MGRN1: variants seen among roughly 807,000 people sequenced by gnomAD.
MGRN1 encodes the protein E3 ubiquitin-protein ligase MGRN1.
In MGRN1, 29 loss-of-function variants were observed where a neutral mutation model predicts 69.2. The observed-to-expected ratio is 0.42, with a 90% CI of 0.31 to 0.57. The LOEUF is 0.57. Among genes scored for constraint, MGRN1 ranks in the 20% least tolerant of loss-of-function variants. MGRN1 has a pLI of 0.15. For missense variants in MGRN1, 998 were observed against 796.2 expected, an observed-to-expected ratio of 1.25 and a Z score of -3.05; for synonymous variants, 470 against 344.2, an observed-to-expected ratio of 1.37 and a Z score of -4.04.
chr16:4,630,438 T>TTTGTTG, intron 1 of MGRN1, among the ~76,000 whole-genome samples: 1 of 151,260 alleles, frequency 6.6e-6, no homozygotes, highest in East Asian at 1.9e-4. Context: ...TTTCTAGCAT[T>TTTGTTG]TTGTTGTTGT....
chr16:4,645,108 T>C (rs2078245768), intron 1 of MGRN1, among the ~76,000 whole-genome samples: 1 of 148,042 alleles, frequency 6.8e-6, no homozygotes, highest in South Asian at 2.1e-4. Context: ...TTTATATGTA[T>C]ATATGCGTGT....
Position 4,671,471 on chromosome 16 carries a change from G to C in MGRN1, c.795+12G>C. On this transcript the variant is annotated intron_variant, in intron 9 of 16. Coordinates refer to ENST00000262370, the MANE Select transcript of MGRN1 (RefSeq NM_015246.4). ...ACCAGGAGACCAAGGTGTGTATCTG[G>C]GTGAGGTTTCCCTCTGCCATTACAG... 6.2e-7 allele frequency: 1 copy of C among 1,613,508 alleles called. No individual in the cohort carries two copies. The highest frequency in any genetic ancestry group is 8.5e-7 in the Non-Finnish European group (1 of 1,179,466).
intron 5 of MGRN1, among the ~76,000 whole-genome samples, chr16:4,661,104 C>T (rs1442054321): frequency 6.6e-6 from 1 of 151,890 alleles, no homozygotes; most frequent in Non-Finnish European, 1.5e-5. Flanking sequence ...CCTCAACTTT[C>T]ACAGTAGCTG....
chr16:4,668,208 G>C (rs556122516), intron 7 of MGRN1, 57 bp from the exon 8 acceptor site: 3 of 1,564,682 alleles, frequency 1.9e-6, no homozygotes, highest in Non-Finnish European at 1.8e-6. Context: ...GGCCACGCAG[G>C]GGTGCTCAGA....
chr16:4,660,334 G>A (rs551209627), intron 5 of MGRN1, among the ~76,000 whole-genome samples: 1 of 152,236 alleles, frequency 6.6e-6, no homozygotes, highest in Non-Finnish European at 1.5e-5. Flanking sequence ...CATGCAAAGG[G>A]CTTTACCTGG....
At chr16:4,635,598 C>T (rs1326449928) in intron 1 of MGRN1, among the ~76,000 whole-genome samples, 2 of 151,478 alleles carry the variant, frequency 1.3e-5, no homozygotes, top group African/African-American at 4.8e-5. Flanking sequence ...TCTGGAGTAG[C>T]TGGGATTACA....
intron 2 of MGRN1, chr16:4,650,851 A>T (rs560667011): frequency 2.1e-4 from 34 of 162,024 alleles, no homozygotes; most frequent in African/African-American, 7.9e-4. Context: ...TCACGCCTGT[A>T]ATCCCAGCAC....
rs58001283 is a variant in MGRN1 at position 4,669,431 on chromosome 16, C to CAAAAAAAAAAAAAAAAAAAA, written c.726+1136_726+1137insAAAAAAAAAAAAAAAAAAAA. 3.8e-4 allele frequency among the ~76,000 whole-genome samples: 35 copies of CAAAAAAAAAAAAAAAAAAAA among 92,980 alleles called. 1 individual carries two copies. Among genetic ancestry groups the CAAAAAAAAAAAAAAAAAAAA allele is most frequent in the Non-Finnish European group, 6.1e-4 (29 of 47,410 alleles). 61.0% of individuals were successfully genotyped at this position (92,980 alleles called of 152,430 possible). On this transcript the variant is annotated intron_variant, in intron 8 of 16. Coordinates refer to ENST00000262370, the MANE Select transcript of MGRN1 (RefSeq NM_015246.4). Reference sequence around the variant, plus strand: ...CCTGGGTGACAGAGGAAGACTGTGTCAAAAAAAAAAAAAAAAAGCTGTGCA... The same window carrying CAAAAAAAAAAAAAAAAAAAA: ...CCTGGGTGACAGAGGAAGACTGTGTCAAAAAAAAAAAAAAAAAAAAAAAAAAAAAAAAAAAAAGCTGTGCA...
intron 8 of MGRN1, among the ~76,000 whole-genome samples, chr16:4,668,963 C>T (rs957499340): frequency 3.3e-5 from 5 of 151,980 alleles, no homozygotes; most frequent in Non-Finnish European, 5.9e-5. Context: ...TAGACACACT[C>T]ATACAATCAC....
At chr16:4,656,663 T>G (rs2078546040) in intron 4 of MGRN1, among the ~76,000 whole-genome samples, 1 of 152,172 alleles carries the variant, frequency 6.6e-6, no homozygotes, top group Non-Finnish European at 1.5e-5. Context: ...GGTGCATCAC[T>G]TGAGGTCAGG....
At position 4,688,070 on chromosome 16, in the gene MGRN1, C is replaced by T. The variant is rs765570836; in HGVS notation, c.1619-726C>T. ...GCTCACAGCCTCGGAAACCTGCTCT[C>T]GCCGCGGCCCCCGAAGAAAATAGAC... On this transcript the variant is annotated intron_variant, in intron 16 of 16. Transcript: ENST00000262370. 95 of 985,500 alleles carry T rather than the reference C, an allele frequency of 9.6e-5. No individual in the cohort carries two copies. The Admixed American group carries it at 3.3e-3, about 34-fold the overall frequency. 61.0% of individuals were successfully genotyped at this position (985,500 alleles called of 1,614,324 possible).
rs553292577 is a variant in MGRN1, at chr16:4,685,038, C to T, written c.1618+1106C>T. Among the ~76,000 whole-genome samples the T allele has an allele frequency of 5.9e-5, 9 of 152,338 alleles. No individual in the cohort carries two copies. The South Asian group carries it at 8.3e-4, about 14-fold the overall frequency. On this transcript the variant is annotated intron_variant, in intron 16 of 16. Transcript: ENST00000262370. ...TGCTCATGGGCTGGGCGTGACAGGT[C>T]GCAGGTGCAGGAGCAGGCACTGCCT...
chr16:4,652,910 G>A, intron 4 of MGRN1, 86 bp downstream of exon 4: 1 of 1,430,850 alleles, frequency 7.0e-7, no homozygotes, highest in Non-Finnish European at 9.2e-7. Context: ...TAACCAGAGG[G>A]AGAAAACCAA....
intron 5 of MGRN1, among the ~76,000 whole-genome samples, chr16:4,660,032 G>A (rs1180694015): frequency 2.0e-5 from 3 of 152,232 alleles, no homozygotes; most frequent in Non-Finnish European, 2.9e-5. Flanking sequence ...GTAGGAGGGA[G>A]ACGCTTCCCC....
chr16:4,635,458 C>A (rs536739992), intron 1 of MGRN1, among the ~76,000 whole-genome samples: 1 of 151,908 alleles, frequency 6.6e-6, no homozygotes, highest in Non-Finnish European at 1.5e-5. Flanking sequence ...TAAATTGAGG[C>A]TAACATATTC....
At position 4,676,274 on chromosome 16, in the gene MGRN1, C is replaced by T. The variant is rs138772905; in HGVS notation, c.956-1189C>T. Reference sequence around the variant, plus strand: ...CTCCTGTCTGAAAGCCACAGAGTTGCGGGGGCAGGGACCAGGAAGTGGGGG... The same window carrying T: ...CTCCTGTCTGAAAGCCACAGAGTTGTGGGGGCAGGGACCAGGAAGTGGGGG... On this transcript the variant is annotated intron_variant, in intron 10 of 16. Transcript: ENST00000262370. Among the ~76,000 whole-genome samples, 231 of 152,024 alleles carry T rather than the reference C, an allele frequency of 1.5e-3. 2 individuals carry two copies. The highest frequency in any genetic ancestry group is 4.9e-3 in the African/African-American group (203 of 41,438).
chr16:4,653,393 G>T (rs952537007), intron 4 of MGRN1, among the ~76,000 whole-genome samples: 2 of 152,208 alleles, frequency 1.3e-5, no homozygotes, highest in African/African-American at 4.8e-5. Context: ...GCTTCATCAC[G>T]TAGGCAGGAT....
In MGRN1 at chr16:4,683,937, G is replaced by T; in HGVS notation, c.1618+5G>T. 6.3e-7 allele frequency: 1 copy of T among 1,588,056 alleles called. No individual in the cohort carries two copies. The highest frequency in any genetic ancestry group is 1.1e-5 in the South Asian group (1 of 87,476). On this transcript the variant is annotated splice_donor_5th_base_variant and intron_variant, in intron 16 of 16. Coordinates refer to ENST00000262370, the MANE Select transcript of MGRN1 (RefSeq NM_015246.4). ...CTGCTGACATCTACCTGCCAGGTAAGGGGCTGGGGGTCTGGGGGTGAGGGG... is the reference window on the plus strand; with the variant it reads ...CTGCTGACATCTACCTGCCAGGTAATGGGCTGGGGGTCTGGGGGTGAGGGG...
At chr16:4,628,710 A>G (rs577626741) in intron 1 of MGRN1, among the ~76,000 whole-genome samples, 68 of 152,116 alleles carry the variant, frequency 4.5e-4, no homozygotes, top group Non-Finnish European at 6.8e-4. Flanking sequence ...ACGCCCGGCT[A>G]ATTTTTAAAT....
Sources: allele counts gnomAD v4.1 joint callset (sites outside exome capture counted in the v4.1 genomes callset), GRCh38; gene constraint gnomAD v4.1.1; transcripts MANE v1.5; gene names NCBI Gene and HGNC (gene_info 2026-07-23, HGNC 2026-07-21).